The following ABCB1 variants were observed in gnomAD, a reference collection of about 807,000 sequenced individuals.
The protein encoded by ABCB1 is ATP-dependent translocase ABCB1.
A neutral mutation model predicts 142.0 loss-of-function variants in ABCB1; 69 were observed. That is an observed-to-expected ratio of 0.49 (90% CI 0.40 to 0.59). ABCB1 has a LOEUF of 0.59. ABCB1 is among the 20% of genes least tolerant of loss of function. The pLI, the probability that ABCB1 is intolerant of heterozygous loss-of-function variation, is 0.00. For synonymous variants in ABCB1, 532 were observed against 539.2 expected, an observed-to-expected ratio of 0.99 and a Z score of 0.18; for missense variants, 1,326 against 1,554.7, an observed-to-expected ratio of 0.85 and a Z score of 2.47.
intron 21 of ABCB1, among the ~76,000 whole-genome samples, chr7:87,523,364 A>T (rs927929312): frequency 2.0e-5 from 3 of 152,180 alleles, no homozygotes; most frequent in Non-Finnish European, 4.4e-5. Flanking sequence ...ATGGTGGCTC[A>T]TGCCTGTAAT....
chr7:87,630,708 A>G (rs1297532383), intron 1 of ABCB1, among the ~76,000 whole-genome samples: 1 of 151,178 alleles, frequency 6.6e-6, no homozygotes, highest in Non-Finnish European at 1.5e-5. Flanking sequence ...TTTTCTTTCA[A>G]ATTCTCAGTA....
chr7:87,509,496 T>C lies in ABCB1; in HGVS notation c.3283-15A>G. The stretch of plus-strand genomic sequence containing the variant: ...CCATCAAGCAGCTGAAAACAAGAGT[T>C]CACAGATCAACTTCAGGACCAGCAC... On this transcript the variant is annotated splice_polypyrimidine_tract_variant and intron_variant, in intron 25 of 27. Transcript: ENST00000622132. 1 of 1,613,408 alleles carries C rather than the reference T, an allele frequency of 6.2e-7. No homozygotes were observed. The highest frequency in any genetic ancestry group is 8.5e-7 in the Non-Finnish European group (1 of 1,179,748).
At chr7:87,652,628 A>ATATATATATATATATATATATG (rs1823694790) in intron 1 of ABCB1, among the ~76,000 whole-genome samples, 2 of 147,836 alleles carry the variant, frequency 1.4e-5, no homozygotes, top group African/African-American at 5.0e-5. Context: ...ACTGATATAT[A>ATATATATATATATATATATATG]TATATATATA....
intron 1 of ABCB1, among the ~76,000 whole-genome samples, chr7:87,613,257 CTTT>C (rs67823385): frequency 1.6e-5 from 1 of 64,198 alleles, no homozygotes; most frequent in Non-Finnish European, 2.8e-5. Context: ...TCCTTTATTT[CTTT>C]TTTTTTTTTT....
chr7:87,564,222 T>C, intron 7 of ABCB1: 1 of 413,076 alleles, frequency 2.4e-6, no homozygotes, highest in Non-Finnish European at 4.8e-6. Flanking sequence ...CGGCAGTTGT[T>C]CCATTGAAGT....
chr7:87,521,021 CTAAG>C (rs902084265), intron 21 of ABCB1, 145 bp from the exon 22 acceptor site: 1 of 680,650 alleles, frequency 1.5e-6, no homozygotes, highest in Non-Finnish European at 2.6e-6. Context: ...GAAAAAGATA[CTAAG>C]TAATTTATCA....
chr7:87,616,219 A>G (rs1820027728), intron 1 of ABCB1, among the ~76,000 whole-genome samples: 1 of 152,154 alleles, frequency 6.6e-6, no homozygotes, highest in East Asian at 1.9e-4. Flanking sequence ...ATTCTGGGCT[A>G]TTGTTAGTTT....
intron 9 of ABCB1, among the ~76,000 whole-genome samples, chr7:87,551,125 A>G (rs903578613): frequency 5.9e-5 from 9 of 152,104 alleles, no homozygotes; most frequent in East Asian, 1.9e-4. Flanking sequence ...GGGCTCAAGC[A>G]ATCCTCCTGC....
chr7:87,673,406 T>C (rs1826022872), intron 1 of ABCB1, among the ~76,000 whole-genome samples: 2 of 152,336 alleles, frequency 1.3e-5, no homozygotes, highest in Admixed American at 1.3e-4. Flanking sequence ...CTCAGAGGTT[T>C]TGTTTATTCC....
chr7:87,534,539 C>T (rs1234691328), intron 20 of ABCB1, among the ~76,000 whole-genome samples: 4 of 152,094 alleles, frequency 2.6e-5, no homozygotes, highest in South Asian at 4.1e-4. Context: ...CTAATACAGA[C>T]GTCACAAACT....
At chr7:87,534,259 T>C (rs1242477732) in intron 20 of ABCB1, among the ~76,000 whole-genome samples, 2 of 152,158 alleles carry the variant, frequency 1.3e-5, no homozygotes, top group Non-Finnish European at 1.5e-5. Context: ...TGATGCGGGA[T>C]ATTTGTCCAT....
intron 1 of ABCB1, among the ~76,000 whole-genome samples, chr7:87,670,980 T>A (rs780802312): frequency 7.9e-5 from 12 of 152,232 alleles, no homozygotes; most frequent in Non-Finnish European, 1.8e-4. Flanking sequence ...TCAGTGTTTA[T>A]GTTTCTTTCT....
intron 1 of ABCB1, among the ~76,000 whole-genome samples, chr7:87,621,051 C>A (rs2130095324): frequency 6.6e-6 from 1 of 152,098 alleles, no homozygotes; most frequent in South Asian, 2.1e-4. Flanking sequence ...CATCTTAGAT[C>A]ATTGCAAATA....
chr7:87,570,344 C>G, intron 4 of ABCB1, 121 bp from the exon 5 acceptor site: 5 of 994,856 alleles, frequency 5.0e-6, no homozygotes, highest in Non-Finnish European at 6.3e-6. Flanking sequence ...GTCGAACTGA[C>G]TCAGTTTTAA....
At chr7:87,628,681 T>G (rs1820863807) in intron 1 of ABCB1, 1 of 464,516 alleles carries the variant, frequency 2.2e-6, no homozygotes, top group Non-Finnish European at 3.4e-6. Flanking sequence ...CCTGCTGTCT[T>G]CCACACCCTT....
intron 1 of ABCB1, among the ~76,000 whole-genome samples, chr7:87,652,337 A>G (rs1376819047): frequency 6.6e-6 from 1 of 152,072 alleles, no homozygotes; most frequent in Non-Finnish European, 1.5e-5. Flanking sequence ...ACTCACTACT[A>G]TGTAAGTGGA....
intron 25 of ABCB1, among the ~76,000 whole-genome samples, chr7:87,510,301 G>A (rs987957352): frequency 6.6e-6 from 1 of 152,230 alleles, no homozygotes; most frequent in Admixed American, 6.5e-5. Flanking sequence ...TGCAGGTCAG[G>A]AACTACAGGG....
intron 1 of ABCB1, among the ~76,000 whole-genome samples, chr7:87,649,088 T>C (rs1823314629): frequency 1.3e-5 from 2 of 152,158 alleles, no homozygotes; most frequent in Admixed American, 1.3e-4. Context: ...CTTATCTTCT[T>C]GATTCCCCAC....
In ABCB1 at chr7:87,617,581, C is replaced by T. The variant is rs545683235; in HGVS notation, c.-330-16503G>A. ...ACTGCCACCTATTATCAGGAACTTA[C>T]TAAAGTTTTAAAACAAGAACTAGAG... On this transcript the variant is annotated intron_variant, in intron 1 of 28. Transcript: ENST00000265724. Among the ~76,000 whole-genome samples the T allele has an allele frequency of 6.6e-5, 10 of 152,296 alleles. No individual in the cohort carries two copies. The East Asian group carries it at 1.9e-3, about 29-fold the overall frequency.
Sources: allele counts gnomAD v4.1 joint callset (sites outside exome capture counted in the v4.1 genomes callset), GRCh38; gene constraint gnomAD v4.1.1; transcripts MANE v1.5; gene names NCBI Gene and HGNC (gene_info 2026-07-23, HGNC 2026-07-21).